UNC13B: variants seen among roughly 807,000 people sequenced by gnomAD.
UNC13B encodes the protein protein unc-13 homolog B.
A neutral mutation model predicts 211.0 loss-of-function variants in UNC13B; 144 were observed. The observed-to-expected ratio is 0.68, with a 90% CI of 0.60 to 0.78. UNC13B has a LOEUF of 0.78. Among genes scored for constraint, UNC13B ranks in the 30% least tolerant of loss-of-function variants. The pLI, the probability that UNC13B is intolerant of heterozygous loss-of-function variation, is 0.00. For synonymous variants in UNC13B, 709 were observed against 725.8 expected (o/e 0.98, Z 0.37); for missense variants, 1,777 against 2,002.0 (o/e 0.89, Z 2.14).
intron 11 of UNC13B, among the ~76,000 whole-genome samples, chr9:35,328,116 G>A (rs769589624): frequency 1.3e-5 from 2 of 152,148 alleles, no homozygotes; most frequent in Middle Eastern, 3.2e-3. Context: ...TGCCTCCCAG[G>A]TTCAAGCAAT....
At chr9:35,360,950 A>C (rs980095039) in intron 11 of UNC13B, 1 of 152,208 alleles carries the variant, frequency 6.6e-6, no homozygotes, top group African/African-American at 2.4e-5. Context: ...AAGTGTTGGG[A>C]TTATAGGCAT....
At chr9:35,350,257 G>A (rs1050420583) in intron 11 of UNC13B, among the ~76,000 whole-genome samples, 6 of 152,316 alleles carry the variant, frequency 3.9e-5, no homozygotes, top group African/African-American at 1.2e-4. Flanking sequence ...AGCTTAGGGT[G>A]TAGGGACTAG....
chr9:35,282,179 G>A (rs1828532947), intron 7 of UNC13B, among the ~76,000 whole-genome samples: 1 of 152,124 alleles, frequency 6.6e-6, no homozygotes, highest in African/African-American at 2.4e-5. Flanking sequence ...TAAAACAAAT[G>A]TTTAAATGTA....
chr9:35,315,751 C>T (rs1038896967), intron 11 of UNC13B, among the ~76,000 whole-genome samples: 7 of 152,184 alleles, frequency 4.6e-5, no homozygotes, highest in Non-Finnish European at 8.8e-5. Context: ...TGCATTTAGT[C>T]GTGATATCTC....
At chr9:35,165,620 T>C (rs894362039) in intron 1 of UNC13B, among the ~76,000 whole-genome samples, 1 of 151,920 alleles carries the variant, frequency 6.6e-6, no homozygotes, top group East Asian at 1.9e-4. Context: ...GGTTTCACCA[T>C]GTTGGCCAGG....
intron 6 of UNC13B, among the ~76,000 whole-genome samples, chr9:35,251,309 G>A (rs1587468920): frequency 6.6e-6 from 1 of 152,218 alleles, no homozygotes; most frequent in Admixed American, 6.5e-5. Flanking sequence ...AATCCAGCCG[G>A]GTGTGTTGGC....
At chr9:35,386,380 C>A in intron 24 of UNC13B, 87 bp downstream of exon 24, 1 of 1,559,082 alleles carries the variant, frequency 6.4e-7, no homozygotes, top group South Asian at 1.2e-5. Flanking sequence ...GAAAAGCACT[C>A]AGGACAAAGT....
At chr9:35,396,036 C>G (rs539244912) in intron 26 of UNC13B, among the ~76,000 whole-genome samples, 1 of 152,262 alleles carries the variant, frequency 6.6e-6, no homozygotes, top group African/African-American at 2.4e-5. Context: ...CCATGTACAC[C>G]TGCTCATCTC....
rs768387113 is a variant in UNC13B at position 35,313,905 on chromosome 9, T to G, written c.9330T>G (p.Pro3110=). 21 of 1,613,430 alleles carry G rather than the reference T, an allele frequency of 1.3e-5. No individual in the cohort carries two copies. The South Asian group carries it at 2.3e-4, about 18-fold the overall frequency. The change falls in exon 11 of 40, where the codon CCT becomes CCG. Residue 3110 remains proline (P), a synonymous_variant. Coordinates refer to ENST00000635942, the MANE Select transcript of UNC13B (RefSeq NM_001371189.2). ...DHFLGPQESF[P]EENASSPFTQ... ...ACTTTTTCTCTGTTACAAGTTTTCC[T>G]GAGGAGAATGCATCTTCACCATTTA...
intron 11 of UNC13B, among the ~76,000 whole-genome samples, chr9:35,364,074 G>T (rs898278814): frequency 3.9e-5 from 6 of 152,184 alleles, no homozygotes; most frequent in African/African-American, 7.2e-5. Context: ...AATGGAAAAG[G>T]CTCAGTCACC....
At chr9:35,288,784 A>G (rs1828930691) in intron 7 of UNC13B, among the ~76,000 whole-genome samples, 2 of 152,218 alleles carry the variant, frequency 1.3e-5, no homozygotes, top group Admixed American at 1.3e-4. Flanking sequence ...TGTATAAGAA[A>G]CTGCTGTGGG....
intron 11 of UNC13B, among the ~76,000 whole-genome samples, chr9:35,318,751 T>C (rs577339324): frequency 1.5e-3 from 228 of 152,396 alleles, no homozygotes; most frequent in Middle Eastern, 6.8e-3. Flanking sequence ...CTTGTACATA[T>C]GTCATTTTGC....
At chr9:35,264,263 T>C (rs1234695200) in intron 7 of UNC13B, among the ~76,000 whole-genome samples, 2 of 152,100 alleles carry the variant, frequency 1.3e-5, no homozygotes, top group Non-Finnish European at 2.9e-5. Flanking sequence ...GATCAGAATG[T>C]TGGTATGAGT....
chr9:35,269,547 T>C (rs1445384430), intron 7 of UNC13B, among the ~76,000 whole-genome samples: 1 of 152,294 alleles, frequency 6.6e-6, no homozygotes, highest in Admixed American at 6.5e-5. Context: ...TCAGCCCCTC[T>C]TTTCTCCCTG....
intron 1 of UNC13B, among the ~76,000 whole-genome samples, chr9:35,197,486 G>A (rs1823010227): frequency 6.6e-6 from 1 of 152,156 alleles, no homozygotes. Flanking sequence ...GGGATTACAG[G>A]CCAGAGCCAC....
chr9:35,268,398 T>A (rs772519039), intron 7 of UNC13B, among the ~76,000 whole-genome samples: 77 of 152,116 alleles, frequency 5.1e-4, no homozygotes, highest in Non-Finnish European at 8.7e-4. Flanking sequence ...GGCAGGCAGA[T>A]CATGAGGTCA....
rs544752003 is a variant in UNC13B at position 35,185,350 on chromosome 9, A to G, written c.22+23045A>G. On this transcript the variant is annotated intron_variant, in intron 1 of 39. Coordinates refer to ENST00000635942, the MANE Select transcript of UNC13B (RefSeq NM_001371189.2). ...CACTAGAATAGTCCTGCTTCCTCCT[A>G]GAGTATATGTCAGCTCTGTGTAGCT... 3.3e-5 allele frequency among the ~76,000 whole-genome samples: 5 copies of G among 152,292 alleles called. No homozygotes were observed. The South Asian group carries it at 1.0e-3, about 32-fold the overall frequency.
intron 1 of UNC13B, among the ~76,000 whole-genome samples, chr9:35,188,395 TTTAACC>T (rs1275746419): frequency 1.3e-5 from 2 of 152,244 alleles, no homozygotes; most frequent in Non-Finnish European, 1.5e-5. Flanking sequence ...TTACAATAAC[TTTAACC>T]TTAATTATAA....
intron 1 of UNC13B, among the ~76,000 whole-genome samples, chr9:35,176,588 A>G (rs1271934825): frequency 6.6e-6 from 1 of 151,968 alleles, no homozygotes; most frequent in Non-Finnish European, 1.5e-5. Flanking sequence ...AAACCCCACA[A>G]CTGTTGTGCT....
Sources: gnomAD v4.1 joint callset for allele counts (sites outside exome capture counted in the v4.1 genomes callset) on GRCh38, gnomAD v4.1.1 for gene constraint, MANE v1.5 for transcripts, NCBI Gene and HGNC (gene_info 2026-07-23, HGNC 2026-07-21) for gene names.